Variants in C9orf85 observed in about 807,000 individuals in gnomAD.
C9orf85 encodes the protein chromosome 9 open reading frame 85, also known as uncharacterized protein C9orf85.
In C9orf85, 16 loss-of-function variants were observed where a neutral mutation model predicts 14.9. The ratio of observed to expected loss-of-function variants is 1.08; its 90% confidence interval spans 0.73 to 1.63. C9orf85 has a LOEUF of 1.63. Ranked by LOEUF, C9orf85 falls within the 40% of genes most tolerant of loss-of-function variation. The pLI is 0.00. For synonymous variants in C9orf85, 45 were observed against 56.8 expected (o/e 0.79, Z 0.93); for missense variants, 172 against 186.1 (o/e 0.92, Z 0.44).
chr9:71,966,633 C>A (rs953055788), intron 2 of C9orf85, among the ~76,000 whole-genome samples: 1 of 151,686 alleles, frequency 6.6e-6, no homozygotes, highest in Non-Finnish European at 1.5e-5. Flanking sequence ...ATAAAAAAAA[C>A]GCAAAGGCAA....
At chr9:71,959,133 TTC>T (rs1172733032) in intron 2 of C9orf85, among the ~76,000 whole-genome samples, 1 of 151,350 alleles carries the variant, frequency 6.6e-6, no homozygotes, top group Non-Finnish European at 1.5e-5. Flanking sequence ...TAACATTTTC[TTC>T]TTTTTTTTTT....
intron 1 of C9orf85, among the ~76,000 whole-genome samples, chr9:71,940,993 G>C (rs972972043): frequency 6.6e-6 from 1 of 152,182 alleles, no homozygotes; most frequent in Non-Finnish European, 1.5e-5. Context: ...GGAGGTAGTA[G>C]AAAGGACTGA....
At chr9:71,937,648 G>A (rs1828223691) in intron 1 of C9orf85, among the ~76,000 whole-genome samples, 1 of 152,146 alleles carries the variant, frequency 6.6e-6, no homozygotes, top group South Asian at 2.1e-4. Context: ...TGTTATTGGT[G>A]TTTTAAAAAC....
Position 71,971,618 on chromosome 9 carries a change from CGTGA to C in C9orf85, c.323+4_323+7del, listed in dbSNP as rs777099579. On this transcript the variant is annotated splice_donor_variant and splice_donor_region_variant and intron_variant, in intron 3 of 3. Transcript: ENST00000334731. LOFTEE classifies it high-confidence loss of function. ...GGAAAGAAAGAAGACATTGTTATTC[CGTGA>C]GTGTTTCCTTTTATGTTTGAATTTT... The C allele has an allele frequency of 4.4e-5, 69 of 1,580,266 alleles. No homozygotes were observed. Among genetic ancestry groups the C allele is most frequent in the Non-Finnish European group, 5.5e-5 (63 of 1,151,610 alleles).
chr9:71,940,685 A>G (rs1821904786), intron 1 of C9orf85, among the ~76,000 whole-genome samples: 1 of 152,180 alleles, frequency 6.6e-6, no homozygotes, highest in Admixed American at 6.5e-5. Context: ...TTCTTATAAA[A>G]TTAAGCATTC....
intron 1 of C9orf85, chr9:71,918,523 GAA>G: frequency 9.8e-7 from 1 of 1,020,966 alleles, no homozygotes; most frequent in Non-Finnish European, 1.4e-6. Flanking sequence ...GGCCTGTCAG[GAA>G]CTGGGCCACA....
intron 2 of C9orf85, among the ~76,000 whole-genome samples, chr9:71,950,754 GTCTA>G (rs1463255986): frequency 3.9e-5 from 6 of 152,218 alleles, no homozygotes; most frequent in Middle Eastern, 3.4e-3. Flanking sequence ...TGTTTCATGT[GTCTA>G]TCTATTGCCA....
intron 3 of C9orf85, among the ~76,000 whole-genome samples, chr9:71,978,859 C>A (rs1286937883): frequency 6.6e-6 from 1 of 152,164 alleles, no homozygotes; most frequent in African/African-American, 2.4e-5. Flanking sequence ...CATGGTGAAA[C>A]CCCGTCTCTA....
intron 1 of C9orf85, among the ~76,000 whole-genome samples, chr9:71,916,230 G>A (rs894371174): frequency 6.6e-6 from 1 of 152,132 alleles, no homozygotes; most frequent in African/African-American, 2.4e-5. Context: ...AGAAGGATGA[G>A]TAACATTAAA....
intron 2 of C9orf85, among the ~76,000 whole-genome samples, chr9:71,949,115 T>C (rs1275553033): frequency 6.6e-6 from 1 of 152,250 alleles, no homozygotes; most frequent in Non-Finnish European, 1.5e-5. Flanking sequence ...AACAAGTTTT[T>C]ATTCCTATAA....
intron 1 of C9orf85, among the ~76,000 whole-genome samples, chr9:71,932,689 AT>A (rs1449490043): frequency 6.6e-6 from 1 of 152,202 alleles, no homozygotes; most frequent in Non-Finnish European, 1.5e-5. Context: ...ATCTTATTTG[AT>A]TCAAATGTTC....
intron 2 of C9orf85, among the ~76,000 whole-genome samples, chr9:71,951,376 G>C (rs781229122): frequency 6.6e-6 from 1 of 152,188 alleles, no homozygotes; most frequent in Non-Finnish European, 1.5e-5. Context: ...GTCCTTTGAC[G>C]TAATGAGATA....
chr9:71,939,311 CAG>C (rs1375507342), intron 1 of C9orf85, among the ~76,000 whole-genome samples: 3 of 151,932 alleles, frequency 2.0e-5, no homozygotes, highest in South Asian at 4.1e-4. Flanking sequence ...AGAACCAAAA[CAG>C]ACAAAACCAA....
In C9orf85 at chr9:71,913,073, A is replaced by G. The variant is rs1827556112; in HGVS notation, c.102+1237A>G. Among the ~76,000 whole-genome samples the G allele has an allele frequency of 1.3e-5, 2 of 152,068 alleles. 1 individual carries two copies. Among genetic ancestry groups the G allele is most frequent in the South Asian group, 4.1e-4 (2 of 4,832 alleles). ...GTGCGGCTTGAGTGAGTTGTATAAT[A>G]TTTAATTTCTCTGAGCCTTACTTTG... On this transcript the variant is annotated intron_variant, in intron 1 of 3. Coordinates refer to ENST00000334731, the MANE Select transcript of C9orf85 (RefSeq NM_182505.5).
At chr9:71,980,826 A>C (rs1041110003) in intron 3 of C9orf85, among the ~76,000 whole-genome samples, 2 of 152,194 alleles carry the variant, frequency 1.3e-5, no homozygotes, top group African/African-American at 4.8e-5. Flanking sequence ...CAGCTGACAC[A>C]AGGCAGGTGC....
intron 1 of C9orf85, among the ~76,000 whole-genome samples, chr9:71,915,753 T>G (rs1253403369): frequency 6.6e-6 from 1 of 152,222 alleles, no homozygotes; most frequent in Non-Finnish European, 1.5e-5. Flanking sequence ...GCATATGTAA[T>G]AAAATACATC....
chr9:71,947,011 T>A lies in C9orf85; in HGVS notation c.108T>A (p.Ile36=). The change falls in exon 2 of 4, where the codon ATT becomes ATA. Residue 36 remains isoleucine (I), a synonymous_variant. Coordinates refer to ENST00000334731, the MANE Select transcript of C9orf85 (RefSeq NM_182505.5). ...KFDKSVQTKK[I]NAKLHDGVCQ... Reference sequence around the variant, plus strand: ...TCTTTCTGTTTGTTTTTAAGAAAATTAATGCAAAACTTCATGATGGAGTAT... The same window carrying A: ...TCTTTCTGTTTGTTTTTAAGAAAATAAATGCAAAACTTCATGATGGAGTAT... 6.2e-7 allele frequency: 1 copy of A among 1,606,120 alleles called. No individual in the cohort carries two copies. Among genetic ancestry groups the A allele is most frequent in the East Asian group, 2.2e-5 (1 of 44,758 alleles).
chr9:71,982,837 T>C (rs1823122772), exon 4 of C9orf85: 2 of 306,434 alleles, frequency 6.5e-6, no homozygotes, highest in East Asian at 1.2e-4. Context: ...GGTTTCACTA[T>C]GTTGGCCAGG....
intron 1 of C9orf85, among the ~76,000 whole-genome samples, chr9:71,924,329 T>G (rs1827883234): frequency 6.6e-6 from 1 of 150,508 alleles, no homozygotes; most frequent in African/African-American, 2.4e-5. Context: ...TTTTCTCAGA[T>G]GTATTTTTAG....
Sources: gnomAD v4.1 joint callset for allele counts (sites outside exome capture counted in the v4.1 genomes callset) on GRCh38, gnomAD v4.1.1 for gene constraint, MANE v1.5 for transcripts, NCBI Gene and HGNC (gene_info 2026-07-23, HGNC 2026-07-21) for gene names.